Variants in PCDH15 observed in about 807,000 individuals in gnomAD.
PCDH15 encodes the protein protocadherin related 15, also known as protocadherin-15.
In PCDH15, 129 loss-of-function variants were observed where a neutral mutation model predicts 178.5. The ratio of observed to expected loss-of-function variants is 0.72; its 90% CI spans 0.63 to 0.84. PCDH15 has a LOEUF of 0.84. Ranked by LOEUF, PCDH15 falls within the 40% of genes least tolerant of loss-of-function variation. The pLI is 0.00. For missense variants in PCDH15, 2,230 were observed against 2,099.9 expected (o/e 1.06, Z -1.21); for synonymous variants, 800 against 732.0 (o/e 1.09, Z -1.50).
At position 55,128,335 on chromosome 10, in the gene PCDH15, T is replaced by G. The variant is rs555608813; in HGVS notation, c.-80+38241A>C. On this transcript the variant is annotated intron_variant, in intron 2 of 5. Coordinates refer to the PCDH15 transcript ENST00000458638. The stretch of plus-strand genomic sequence containing the variant: ...CAGACTCAATGCTTATGGGTCTTAC[T>G]CTCTTACTTGATCTATAATAAAAGC... Among the ~76,000 whole-genome samples, 2 of 151,776 alleles carry G rather than the reference T, an allele frequency of 1.3e-5. 1 individual carries two copies. Among genetic ancestry groups the G allele is most frequent in the Non-Finnish European group, 3.0e-5 (2 of 67,742 alleles).
chr10:54,605,424 T>C (rs2092703137), intron 2 of PCDH15, among the ~76,000 whole-genome samples: 1 of 152,156 alleles, frequency 6.6e-6, no homozygotes, highest in South Asian at 2.1e-4. Context: ...GGCAGTTGTG[T>C]ATTTGTTTGT....
intron 1 of PCDH15, among the ~76,000 whole-genome samples, chr10:55,261,350 G>GA (rs1842141051): frequency 6.6e-6 from 1 of 152,148 alleles, no homozygotes; most frequent in African/African-American, 2.4e-5. Context: ...TGTACATGAG[G>GA]AAAAAAGGGG....
chr10:54,405,259 C>T (rs1198875896), intron 3 of PCDH15, among the ~76,000 whole-genome samples: 3 of 152,038 alleles, frequency 2.0e-5, no homozygotes, highest in African/African-American at 7.2e-5. Flanking sequence ...ACTTAAATGC[C>T]CATCAATGGT....
chr10:54,168,314 G>A (rs9730737), intron 13 of PCDH15, among the ~76,000 whole-genome samples: 3 of 151,318 alleles, frequency 2.0e-5, no homozygotes, highest in East Asian at 2.0e-4. Context: ...AATGCAACTC[G>A]TCCCAAATCT....
At chr10:55,167,288 A>G (rs1295098799) in intron 1 of PCDH15, among the ~76,000 whole-genome samples, 1 of 151,714 alleles carries the variant, frequency 6.6e-6, no homozygotes, top group African/African-American at 2.4e-5. Context: ...TCATTTTTAT[A>G]TTTTTTGTAC....
chr10:55,566,628 A>G (rs1180791891), intron 2 of PCDH15, among the ~76,000 whole-genome samples: 1 of 151,816 alleles, frequency 6.6e-6, no homozygotes, highest in Non-Finnish European at 1.5e-5. Flanking sequence ...TCAAGTGCAT[A>G]TCTATACAAT....
Position 55,442,471 on chromosome 10 carries a change from T to C in PCDH15, c.-156+185154A>G, listed in dbSNP as rs77110594. On this transcript the variant is annotated intron_variant, in intron 2 of 5. Coordinates refer to the PCDH15 transcript ENST00000613346. ...TTAATTTGATTATATATATATATAT[T>C]ATATATATATTATATATATATATAT... 6.5e-4 allele frequency among the ~76,000 whole-genome samples: 19 copies of C among 29,362 alleles called. 1 individual carries two copies. In the East Asian group the frequency reaches 0.3, roughly 459 times the overall value. The allele number at this position is 29,362 out of a possible 152,430, so 19.3% of individuals were successfully genotyped here. A position where few individuals can be genotyped will look rare whatever the true frequency, so the allele number is the denominator to read the frequency against.
At chr10:55,059,143 T>C (rs962606397) in intron 2 of PCDH15, among the ~76,000 whole-genome samples, 2 of 152,138 alleles carry the variant, frequency 1.3e-5, no homozygotes, top group African/African-American at 2.4e-5. Flanking sequence ...AGTTAGATGG[T>C]TTTTAAGAGT....
At chr10:54,363,076 G>A (rs559488488) in intron 5 of PCDH15, among the ~76,000 whole-genome samples, 3 of 152,128 alleles carry the variant, frequency 2.0e-5, no homozygotes, top group South Asian at 2.1e-4. Flanking sequence ...TTTTCTGTAT[G>A]ATAACTGTGC....
At chr10:54,383,487 T>C (rs115404838) in intron 3 of PCDH15, among the ~76,000 whole-genome samples, 3,491 of 152,186 alleles carry the variant, frequency 0.023, 114 homozygotes, top group African/African-American at 0.076. Flanking sequence ...GTTCAGGGAA[T>C]TACCATATTT....
At chr10:54,369,377 T>G in intron 4 of PCDH15, 102 bp from the exon 5 acceptor site, 1 of 1,020,406 alleles carries the variant, frequency 9.8e-7, no homozygotes, top group Non-Finnish European at 1.5e-6. Context: ...TATTCTTGTT[T>G]ATTTTTAAAT....
intron 17 of PCDH15, 28 bp downstream of exon 17, chr10:54,079,303 A>G: frequency 6.3e-7 from 1 of 1,598,680 alleles, no homozygotes; most frequent in Non-Finnish European, 8.6e-7. Context: ...TACTATTTTT[A>G]AAACCCCTTC....
At chr10:54,574,116 A>G (rs1488474095) in intron 2 of PCDH15, among the ~76,000 whole-genome samples, 1 of 151,714 alleles carries the variant, frequency 6.6e-6, no homozygotes, top group Non-Finnish European at 1.5e-5. Flanking sequence ...TATGTCCTGA[A>G]TGGTAATGCC....
At chr10:53,839,000 C>G (rs1455471796) in intron 29 of PCDH15, among the ~76,000 whole-genome samples, 1 of 151,866 alleles carries the variant, frequency 6.6e-6, no homozygotes, top group South Asian at 2.1e-4. Context: ...GTAAGGAGAT[C>G]GAGACCATCC....
intron 21 of PCDH15, among the ~76,000 whole-genome samples, chr10:53,986,744 T>G (rs903827660): frequency 1.3e-5 from 2 of 152,218 alleles, no homozygotes; most frequent in South Asian, 4.1e-4. Context: ...TACCGCATGA[T>G]TGCATTTACA....
chr10:54,179,656 A>C (rs1448584613), intron 13 of PCDH15, among the ~76,000 whole-genome samples: 1 of 152,194 alleles, frequency 6.6e-6, no homozygotes, highest in African/African-American at 2.4e-5. Context: ...TAACTCTCAA[A>C]ATTGGCTGCA....
intron 25 of PCDH15, among the ~76,000 whole-genome samples, chr10:53,926,502 AAC>A (rs1386580998): frequency 6.6e-6 from 1 of 152,214 alleles, no homozygotes; most frequent in Non-Finnish European, 1.5e-5. Context: ...CTTTATGAGA[AAC>A]ACTATTTTAT....
At chr10:54,813,330 C>T (rs557748543) in intron 3 of PCDH15, among the ~76,000 whole-genome samples, 31 of 152,274 alleles carry the variant, frequency 2.0e-4, no homozygotes, top group African/African-American at 7.0e-4. Flanking sequence ...TCTCCGTTCT[C>T]ACATACCATC....
At chr10:54,455,223 G>A (rs2076741076) in intron 3 of PCDH15, among the ~76,000 whole-genome samples, 1 of 152,032 alleles carries the variant, frequency 6.6e-6, no homozygotes, top group Non-Finnish European at 1.5e-5. Context: ...ATAGCAGCAT[G>A]AGAATGACTA....
Sources: allele counts gnomAD v4.1 joint callset (sites outside exome capture counted in the v4.1 genomes callset), GRCh38; gene constraint gnomAD v4.1.1; transcripts MANE v1.5; gene names NCBI Gene and HGNC (gene_info 2026-07-23, HGNC 2026-07-21).